Variants in HACL2 observed in about 807,000 individuals in gnomAD.
The protein encoded by HACL2 is 2-hydroxyacyl-CoA lyase 1 like.
At chr19:15,123,021 C>T in the HACL2 span, 1 of 1,604,606 alleles carries the variant, frequency 6.2e-7, no homozygotes, top group Non-Finnish European at 8.5e-7. This position sits in a 1 kb window ranked among gnomAD's most constrained non-coding sequence, Gnocchi z 5.1. Flanking sequence ...GCCTGGAGCG[C>T]ACCCCGGTTC....
the HACL2 span, chr19:15,115,563 C>T: frequency 1.1e-4 from 182 of 1,611,780 alleles, no homozygotes; most frequent in Non-Finnish European, 1.5e-4. Flanking sequence ...GAGGCCCCCT[C>T]ACCAGTGTAG....
the HACL2 span, chr19:15,124,906 C>A: frequency 6.3e-7 from 1 of 1,593,536 alleles, no homozygotes. Flanking sequence ...CAGCCCACCT[C>A]CCATTCTGTG....
chr19:15,117,953 T>C, the HACL2 span: 3 of 1,614,146 alleles, frequency 1.9e-6, no homozygotes, highest in Admixed American at 1.7e-5. Flanking sequence ...CGATTGACGA[T>C]GATGATCTTG....
chr19:15,122,641 G>A, the HACL2 span: 1 of 1,472,190 alleles, frequency 6.8e-7, no homozygotes, highest in South Asian at 1.1e-5. This position sits in a 1 kb window ranked among gnomAD's most constrained non-coding sequence, Gnocchi z 4.0. Flanking sequence ...GCTGGAAGCT[G>A]CAGGAGAGAA....
At chr19:15,116,653 C>T in the HACL2 span, 3 of 688,580 alleles carry the variant, frequency 4.4e-6, no homozygotes, top group Non-Finnish European at 7.3e-6. Flanking sequence ...CAGGGGTGCT[C>T]CTAGAAAAAA....
chr19:15,125,415 C>G, the HACL2 span: 1 of 251,928 alleles, frequency 4.0e-6, no homozygotes, highest in Non-Finnish European at 7.7e-6. Context: ...CCCCGCCTCT[C>G]TTTCCACAAC....
At chr19:15,115,554 A>G in the HACL2 span, 1 of 1,609,306 alleles carries the variant, frequency 6.2e-7, no homozygotes, top group Non-Finnish European at 8.5e-7. Flanking sequence ...AACCTCGCTG[A>G]GGCCCCCTCA....
the HACL2 span, chr19:15,115,627 CTG>C: frequency 6.2e-7 from 1 of 1,614,032 alleles, no homozygotes; most frequent in East Asian, 2.2e-5. Flanking sequence ...CCCGAGAAAT[CTG>C]TGTCCAGCCA....
the HACL2 span, chr19:15,124,978 C>G: frequency 6.2e-7 from 1 of 1,606,026 alleles, no homozygotes; most frequent in South Asian, 1.1e-5. Context: ...CCCAGCAAGG[C>G]GGCCACCAGC....
chr19:15,121,708 C>G, the HACL2 span, among the ~76,000 whole-genome samples: 1 of 150,470 alleles, frequency 6.6e-6, no homozygotes, highest in Non-Finnish European at 1.5e-5. Context: ...ACTCAGAAGG[C>G]TGAGGCAGGA....
the HACL2 span, chr19:15,125,314 C>T: frequency 1.9e-6 from 1 of 520,458 alleles, no homozygotes; most frequent in Non-Finnish European, 3.4e-6. Flanking sequence ...ACCACCACTC[C>T]CACCCAAACT....
the HACL2 span, chr19:15,119,621 G>T: frequency 2.1e-6 from 2 of 935,686 alleles, no homozygotes; most frequent in Non-Finnish European, 3.2e-6. Context: ...CATGATCTCA[G>T]CTCACTGCAG....
chr19:15,115,444 T>C, the HACL2 span: 1 of 1,611,688 alleles, frequency 6.2e-7, no homozygotes, highest in Non-Finnish European at 8.5e-7. Context: ...AAAGAAGAGA[T>C]TAAGTCGGAT....
the HACL2 span, chr19:15,125,591 G>C: frequency 6.5e-6 from 1 of 154,896 alleles, no homozygotes; most frequent in African/African-American, 2.4e-5. Context: ...GGCCAGGCTG[G>C]GTCGAGGTCA....
chr19:15,119,142 G>A, the HACL2 span: 1 of 1,523,738 alleles, frequency 6.6e-7, no homozygotes, highest in Non-Finnish European at 8.8e-7. Flanking sequence ...GGGGAAGGAG[G>A]GAAAGGAAGA....
At chr19:15,115,879 T>C in the HACL2 span, 1 of 1,614,158 alleles carries the variant, frequency 6.2e-7, no homozygotes. Flanking sequence ...TCAAATTCGA[T>C]GAGGCTGTAG....
chr19:15,118,537 G>A, the HACL2 span, among the ~76,000 whole-genome samples: 158 of 152,156 alleles, frequency 1.0e-3, 1 homozygote, highest in African/African-American at 3.2e-3. Flanking sequence ...AACAGCTGGC[G>A]TCAATTGCAA....
the HACL2 span, chr19:15,116,348 G>C: frequency 6.2e-7 from 1 of 1,614,048 alleles, no homozygotes; most frequent in South Asian, 1.1e-5. Flanking sequence ...AAGGTCACCA[G>C]GGTTGGCAGC....
At chr19:15,122,568 G>T in the HACL2 span, 1 of 784,858 alleles carries the variant, frequency 1.3e-6, no homozygotes, top group South Asian at 1.6e-5. This position sits in a 1 kb window ranked among gnomAD's most constrained non-coding sequence, Gnocchi z 4.0. Flanking sequence ...CTTCTACCTG[G>T]AATGCTCTCC....
Sources: gnomAD v4.1 joint callset for allele counts (sites outside exome capture counted in the v4.1 genomes callset) on GRCh38, gnomAD v4.1.1 for gene constraint, Gnocchi (gnomAD v3.1) non-coding constraint, MANE v1.5 for transcripts, NCBI Gene and HGNC (gene_info 2026-07-23, HGNC 2026-07-21) for gene names.